Variants in ZFP30 observed in about 807,000 individuals in gnomAD.
ZFP30 encodes the protein ZFP30 zinc finger protein.
ZFP30 carries 16 observed loss-of-function variants against 12.3 expected under a neutral mutation model. The ratio of observed to expected loss-of-function variants is 1.30; its 90% CI spans 0.88 to 1.98. The LOEUF (loss-of-function observed/expected upper bound fraction) is 1.98, where lower values mean the gene tolerates loss of function less well. ZFP30 is among the 30% of genes most tolerant of loss of function. ZFP30 has a pLI of 0.00. For missense variants in ZFP30, 560 were observed against 611.2 expected (o/e 0.92, Z 0.88); for synonymous variants, 172 against 201.0 (o/e 0.86, Z 1.22).
Position 37,635,140 on chromosome 19 carries a change from G to A in ZFP30, c.1401C>T (p.Asp467=), listed in dbSNP as rs374283222. Residue 467 remains aspartate, a synonymous_variant, in exon 6 of 6, where the codon GAC becomes GAT. Coordinates refer to ENST00000684514, the MANE Select transcript of ZFP30 (RefSeq NM_001320669.3). Reference sequence around the variant, plus strand: ...TAAAGGCCTTTCCACATTCCTTACAGTCATAGGGCTTTTCACCAGTATGAA... The same window carrying A: ...TAAAGGCCTTTCCACATTCCTTACAATCATAGGGCTTTTCACCAGTATGAA... ...QSIHTGEKPY[D]CKECGKAFRL... The A allele has an allele frequency of 3.3e-5, 53 of 1,610,326 alleles. No homozygotes were observed. The highest frequency in any genetic ancestry group is 4.2e-5 in the Non-Finnish European group (50 of 1,178,532).
At position 37,636,023 on chromosome 19, in the gene ZFP30, AGTT is replaced by A. The variant is rs758676691; in HGVS notation, c.515_517del (p.Gln172del). 8.7e-6 allele frequency: 14 copies of A among 1,614,176 alleles called. No individual in the cohort carries two copies. Among genetic ancestry groups the A allele is most frequent in the Non-Finnish European group, 1.1e-5 (13 of 1,180,020 alleles). ...AGTATGAATTCTTTGATGGAAAGTA[AGTT>A]GTTGTCGTACTCTAAAAGCCTTCCC... On this transcript the variant is annotated inframe_deletion, in exon 6 of 6. Coordinates refer to ENST00000684514, the MANE Select transcript of ZFP30 (RefSeq NM_001320669.3).
At chr19:37,638,630 C>T (rs2044375356) in intron 5 of ZFP30, among the ~76,000 whole-genome samples, 1 of 152,210 alleles carries the variant, frequency 6.6e-6, no homozygotes, top group Middle Eastern at 3.2e-3. Context: ...CATATTAATA[C>T]ATCGCAATAC....
chr19:37,636,399 A>G (rs965536460), intron 5 of ZFP30, 94 bp from the exon 6 acceptor site: 4 of 1,314,284 alleles, frequency 3.0e-6, no homozygotes, highest in Non-Finnish European at 4.0e-6. Context: ...AAAAAAAAAA[A>G]AAAAGAAAAA....
At chr19:37,654,537 C>G (rs571702585) in intron 2 of ZFP30, among the ~76,000 whole-genome samples, 175 bp downstream of exon 2, 1 of 152,284 alleles carries the variant, frequency 6.6e-6, no homozygotes, top group East Asian at 1.9e-4. Flanking sequence ...AACTATAGAA[C>G]AGCATGAAGT....
rs62108262 is a variant in ZFP30 at position 37,633,242 on chromosome 19, T to C, written c.*1739A>G. On this transcript the variant is annotated 3_prime_UTR_variant, in exon 6 of 6. Transcript: ENST00000684514. The stretch of plus-strand genomic sequence containing the variant: ...AGATAGAGAGGTCAACTAAATAAAA[T>C]GTGGACCTACATTTTAACTTCCTGA... 5 of 151,320 alleles carry C rather than the reference T, an allele frequency of 3.3e-5. No homozygotes were observed. The highest frequency in any genetic ancestry group is 1.2e-4 in the African/African-American group (5 of 41,136). The allele number at this position is 151,320 out of a possible 1,614,324, so 9.4% of individuals were successfully genotyped here.
chr19:37,649,262 AAAG>A (rs1209751719), intron 2 of ZFP30, among the ~76,000 whole-genome samples: 3 of 151,560 alleles, frequency 2.0e-5, no homozygotes, highest in Non-Finnish European at 4.4e-5. Context: ...AAAAAAAAAA[AAAG>A]AACAAAATAG....
intron 3 of ZFP30, among the ~76,000 whole-genome samples, chr19:37,647,374 A>C (rs2147281885): frequency 6.6e-6 from 1 of 152,314 alleles, no homozygotes; most frequent in East Asian, 1.9e-4. Flanking sequence ...TCATGGGGGC[A>C]GTTGCCCCTA....
intron 3 of ZFP30, among the ~76,000 whole-genome samples, chr19:37,647,115 A>G (rs1024592498): frequency 3.9e-5 from 6 of 152,304 alleles, no homozygotes; most frequent in Non-Finnish European, 7.3e-5. Context: ...AGCTTGAATT[A>G]CAATTATTTT....
upstream of ZFP30, chr19:37,655,480 G>A (rs1382000346): frequency 6.6e-6 from 1 of 152,470 alleles, no homozygotes; most frequent in East Asian, 1.9e-4. Flanking sequence ...GAGAGCGCCT[G>A]TCTCCGTCGC....
chr19:37,644,329 A>G, intron 4 of ZFP30: 1 of 206,022 alleles, frequency 4.9e-6, no homozygotes, highest in Non-Finnish European at 9.7e-6. Flanking sequence ...AGGTCAAGAG[A>G]TCAAGACCAT....
chr19:37,636,126 AAGT>A lies in ZFP30; in HGVS notation c.412_414del (p.Thr138del). The A allele has an allele frequency of 6.2e-7, 1 of 1,614,166 alleles. No homozygotes were observed. The highest frequency in any genetic ancestry group is 8.5e-7 in the Non-Finnish European group (1 of 1,180,040). On this transcript the variant is annotated inframe_deletion, in exon 6 of 6. Coordinates refer to ENST00000684514, the MANE Select transcript of ZFP30 (RefSeq NM_001320669.3). ...AGAGGAAGAGATGTGAGTTTTCTGT[AAGT>A]AGGCATTTTTTCAGAGGTGGTTTTT...
intron 3 of ZFP30, among the ~76,000 whole-genome samples, chr19:37,646,162 CTGAT>C (rs2044539876): frequency 6.6e-6 from 1 of 152,094 alleles, no homozygotes; most frequent in South Asian, 2.1e-4. Context: ...TATATACTAC[CTGAT>C]TATCAGATCA....
At chr19:37,637,964 T>C (rs1204371844) in intron 5 of ZFP30, among the ~76,000 whole-genome samples, 1 of 152,212 alleles carries the variant, frequency 6.6e-6, no homozygotes, top group Non-Finnish European at 1.5e-5. Context: ...TCATAATTAG[T>C]CAACAATTAT....
intron 2 of ZFP30, among the ~76,000 whole-genome samples, chr19:37,649,336 G>A (rs1415030812): frequency 6.6e-6 from 1 of 151,730 alleles, no homozygotes; most frequent in African/African-American, 2.4e-5. Context: ...AGAGCATATT[G>A]AAGGAACTGG....
intron 5 of ZFP30, among the ~76,000 whole-genome samples, chr19:37,636,866 A>G (rs904237498): frequency 1.3e-5 from 2 of 152,070 alleles, no homozygotes; most frequent in African/African-American, 4.8e-5. Context: ...GTGCGCCACC[A>G]TACTTGGCTA....
chr19:37,642,970 G>A (rs1427545258), intron 5 of ZFP30, among the ~76,000 whole-genome samples: 4 of 150,340 alleles, frequency 2.7e-5, no homozygotes, highest in Non-Finnish European at 4.4e-5. Flanking sequence ...GGAGAATGGC[G>A]TGAACCCGGG....
At chr19:37,647,998 AC>A in intron 2 of ZFP30, 99 bp from the exon 3 acceptor site, 1 of 634,452 alleles carries the variant, frequency 1.6e-6, no homozygotes, top group Non-Finnish European at 2.7e-6. Flanking sequence ...TGCAACTCCC[AC>A]CCCCAACACA....
intron 2 of ZFP30, among the ~76,000 whole-genome samples, chr19:37,650,633 TTAC>T (rs2147289618): frequency 6.6e-6 from 1 of 152,310 alleles, no homozygotes; most frequent in East Asian, 1.9e-4. Flanking sequence ...ACATATTCAC[TTAC>T]TACTATAAGA....
At chr19:37,636,732 C>T (rs1452777285) in intron 5 of ZFP30, among the ~76,000 whole-genome samples, 6 of 146,602 alleles carry the variant, frequency 4.1e-5, no homozygotes, top group East Asian at 2.0e-4. Flanking sequence ...TTTTTTTTTT[C>T]GAGACGGAGT....
Sources: allele counts gnomAD v4.1 joint callset (sites outside exome capture counted in the v4.1 genomes callset), GRCh38; gene constraint gnomAD v4.1.1; transcripts MANE v1.5; gene names NCBI Gene and HGNC (gene_info 2026-07-23, HGNC 2026-07-21).